Variants in SORCS2 observed in about 807,000 individuals in gnomAD.
SORCS2 encodes the protein VPS10 domain-containing receptor SorCS2.
In SORCS2, 100 loss-of-function variants were observed where a neutral mutation model predicts 141.6. That is an observed-to-expected ratio of 0.71 (90% CI 0.60 to 0.83). SORCS2 has a LOEUF of 0.83. Among genes scored for constraint, SORCS2 ranks in the 40% least tolerant of loss-of-function variants. The probability of loss-of-function intolerance (pLI) is 0.00; values close to 1 mark genes in which losing one functional copy is unlikely to be tolerated. For missense variants in SORCS2, 1,646 were observed against 1,560.2 expected, an observed-to-expected ratio of 1.05 and a Z score of -0.93; for synonymous variants, 789 against 676.9, an observed-to-expected ratio of 1.17 and a Z score of -2.57.
chr4:7,581,745 C>T (rs1020014762), intron 3 of SORCS2, among the ~76,000 whole-genome samples: 2 of 152,188 alleles, frequency 1.3e-5, no homozygotes, highest in Non-Finnish European at 2.9e-5. Context: ...GCCCTCTGTA[C>T]ACAGTGTGGA....
At chr4:7,598,314 G>A (rs888292294) in intron 3 of SORCS2, among the ~76,000 whole-genome samples, 1 of 152,106 alleles carries the variant, frequency 6.6e-6, no homozygotes, top group African/African-American at 2.4e-5. Context: ...GCTGGGGCTG[G>A]CTTTGTCCTA....
chr4:7,586,522 C>T (rs1716548431), intron 3 of SORCS2, among the ~76,000 whole-genome samples: 1 of 152,188 alleles, frequency 6.6e-6, no homozygotes, highest in South Asian at 2.1e-4. Flanking sequence ...ATTTCCCCCA[C>T]ACTGTGTCCA....
At chr4:7,433,549 T>A (rs1727042194) in intron 2 of SORCS2, 1 of 1,610,870 alleles carries the variant, frequency 6.2e-7, no homozygotes, top group African/African-American at 1.3e-5. Context: ...GGGCTCGTAC[T>A]GGGTGACGAA....
intron 1 of SORCS2, among the ~76,000 whole-genome samples, chr4:7,352,738 TG>T (rs1315237943): frequency 3.3e-5 from 5 of 152,054 alleles, no homozygotes; most frequent in East Asian, 1.9e-4. Flanking sequence ...GGCAGGAAGG[TG>T]GGGAGTCTTT....
At chr4:7,348,686 G>A (rs1249997992) in intron 1 of SORCS2, among the ~76,000 whole-genome samples, 2 of 152,104 alleles carry the variant, frequency 1.3e-5, no homozygotes, top group Admixed American at 1.3e-4. Context: ...AGAGTAGCTG[G>A]GTTTACAGGG....
chr4:7,548,228 G>T (rs1043652411), intron 3 of SORCS2, among the ~76,000 whole-genome samples: 1 of 152,090 alleles, frequency 6.6e-6, no homozygotes, highest in African/African-American at 2.4e-5. Context: ...GAATGCTCCC[G>T]CGACCATTTG....
chr4:7,656,409 A>G (rs1213652030), intron 5 of SORCS2, among the ~76,000 whole-genome samples: 1 of 152,064 alleles, frequency 6.6e-6, no homozygotes. Context: ...CAGCACGTGG[A>G]GGCTCTGAGT....
chr4:7,354,022 G>A (rs116044949), intron 1 of SORCS2, among the ~76,000 whole-genome samples: 479 of 152,252 alleles, frequency 3.1e-3, no homozygotes, highest in Non-Finnish European at 5.2e-3. Context: ...ACCTTTACCC[G>A]CACCACTTCT....
At chr4:7,501,815 G>C (rs183720990) in intron 2 of SORCS2, among the ~76,000 whole-genome samples, 57 of 152,314 alleles carry the variant, frequency 3.7e-4, no homozygotes, top group South Asian at 3.3e-3. Flanking sequence ...AATTAATTAT[G>C]TACCTGACAG....
chr4:7,270,594 A>G (rs1183443646), intron 1 of SORCS2, among the ~76,000 whole-genome samples: 1 of 152,252 alleles, frequency 6.6e-6, no homozygotes, highest in Non-Finnish European at 1.5e-5. Flanking sequence ...ATTGTTGCTA[A>G]GAAGATTGTT....
At chr4:7,599,300 A>G (rs559004826) in intron 3 of SORCS2, among the ~76,000 whole-genome samples, 2 of 152,242 alleles carry the variant, frequency 1.3e-5, no homozygotes, top group South Asian at 2.1e-4. Context: ...GGTCTCCCCT[A>G]GAGCACGGGT....
At chr4:7,651,220 T>A (rs533845752) in intron 4 of SORCS2, among the ~76,000 whole-genome samples, 1 of 152,170 alleles carries the variant, frequency 6.6e-6, no homozygotes, top group African/African-American at 2.4e-5. Context: ...GGCAAACGCG[T>A]GTTGTGGATA....
chr4:7,366,165 C>T (rs73210434), intron 1 of SORCS2, among the ~76,000 whole-genome samples: 48,344 of 152,004 alleles, frequency 0.32, 8,405 homozygotes, highest in East Asian at 0.47. Context: ...TTGGCAGGCC[C>T]CGTCATCTCG....
chr4:7,641,825 GATGGATGGATGGGTGGATGGGGATGA>G (rs1720754485), intron 4 of SORCS2, among the ~76,000 whole-genome samples: 5 of 126,272 alleles, frequency 4.0e-5, no homozygotes, highest in South Asian at 3.1e-4. Flanking sequence ...TGGGTGGGTG[GATGGATGGATGGGTGGATGGGGATGA>G]ATGGATGGAT....
intron 2 of SORCS2, among the ~76,000 whole-genome samples, chr4:7,478,916 C>T (rs1237536849): frequency 1.3e-5 from 2 of 152,216 alleles, no homozygotes; most frequent in South Asian, 2.1e-4. Flanking sequence ...CACTCAAAGC[C>T]TCCGTGGCCT....
chr4:7,616,374 C>T (rs1293489181), intron 3 of SORCS2, among the ~76,000 whole-genome samples: 1 of 152,100 alleles, frequency 6.6e-6, no homozygotes, highest in Non-Finnish European at 1.5e-5. Flanking sequence ...CCTATCTACC[C>T]ATTCACCATC....
At chr4:7,337,840 C>T (rs1416509156) in intron 1 of SORCS2, among the ~76,000 whole-genome samples, 1 of 152,232 alleles carries the variant, frequency 6.6e-6, no homozygotes, top group Non-Finnish European at 1.5e-5. Context: ...CCACTCCCAG[C>T]TCCTGAGAGC....
intron 4 of SORCS2, among the ~76,000 whole-genome samples, chr4:7,641,229 G>A (rs962464285): frequency 6.6e-6 from 1 of 152,204 alleles, no homozygotes; most frequent in African/African-American, 2.4e-5. Flanking sequence ...AATTTATGAA[G>A]AAAGAGGTTT....
rs201347810 is a variant in SORCS2 at position 7,332,618 on chromosome 4, C to T, written c.481-63670C>T. 9.2e-5 allele frequency among the ~76,000 whole-genome samples: 14 copies of T among 152,364 alleles called. No homozygotes were observed. The East Asian group carries it at 2.3e-3, about 25-fold the overall frequency. On this transcript the variant is annotated intron_variant, in intron 1 of 26. Coordinates refer to ENST00000507866, the MANE Select transcript of SORCS2 (RefSeq NM_020777.3). The stretch of plus-strand genomic sequence containing the variant: ...TAGAAGCATATGAGGGGTGCTCACC[C>T]TGAAGGACTCAAAACTCACCCAATC...
Sources: allele counts gnomAD v4.1 joint callset (sites outside exome capture counted in the v4.1 genomes callset), GRCh38; gene constraint gnomAD v4.1.1; transcripts MANE v1.5; gene names NCBI Gene and HGNC (gene_info 2026-07-23, HGNC 2026-07-21).